The following SNTB2 variants were observed in gnomAD, a reference collection of about 807,000 sequenced individuals.
SNTB2 encodes the protein beta-2-syntrophin.
In SNTB2, 34 loss-of-function variants were observed where a neutral mutation model predicts 46.2. The observed-to-expected ratio is 0.74, with a 90% confidence interval of 0.56 to 0.98. SNTB2 has a LOEUF of 0.98. SNTB2 is among the 50% of genes least tolerant of loss of function. The pLI, the probability that SNTB2 is intolerant of heterozygous loss-of-function variation, is 0.00. For missense variants in SNTB2, 603 were observed against 731.4 expected (o/e 0.82, Z 2.02); for synonymous variants, 290 against 312.6 (o/e 0.93, Z 0.76).
At chr16:69,280,402 T>C (rs374908813) in intron 4 of SNTB2, among the ~76,000 whole-genome samples, 2 of 151,508 alleles carry the variant, frequency 1.3e-5, no homozygotes, top group Non-Finnish European at 3.0e-5. Flanking sequence ...GGGTGGTTGC[T>C]GGGCAGAGGG....
At chr16:69,237,590 T>C (rs1964569896) in intron 1 of SNTB2, among the ~76,000 whole-genome samples, 1 of 130,470 alleles carries the variant, frequency 7.7e-6, no homozygotes, top group South Asian at 2.2e-4. Context: ...TTTTTTTCTT[T>C]CTTTCTTTCT....
At chr16:69,293,461 T>C (rs1965193661) in intron 5 of SNTB2, among the ~76,000 whole-genome samples, 1 of 152,192 alleles carries the variant, frequency 6.6e-6, no homozygotes, top group Non-Finnish European at 1.5e-5. Flanking sequence ...TTTAGCGATA[T>C]GGAGATAATT....
chr16:69,282,840 T>C (rs1965063178), intron 4 of SNTB2, among the ~76,000 whole-genome samples: 1 of 152,264 alleles, frequency 6.6e-6, no homozygotes, highest in African/African-American at 2.4e-5. Context: ...CATTTCATTT[T>C]ATGGTAACTG....
intron 1 of SNTB2, chr16:69,191,281 G>T (rs563384912): frequency 2.4e-4 from 35 of 146,986 alleles, no homozygotes; most frequent in African/African-American, 8.8e-4. Context: ...AAGTGTGGTG[G>T]CTCATGCCTG....
At chr16:69,249,607 G>A (rs185915318) in intron 2 of SNTB2, among the ~76,000 whole-genome samples, 2 of 152,278 alleles carry the variant, frequency 1.3e-5, no homozygotes, top group African/African-American at 2.4e-5. Flanking sequence ...ATGGTCAGAT[G>A]TGAAATAGAT....
At chr16:69,290,872 G>T (rs1471724054) in intron 5 of SNTB2, among the ~76,000 whole-genome samples, 2 of 152,164 alleles carry the variant, frequency 1.3e-5, no homozygotes, top group African/African-American at 4.8e-5. Context: ...TCCAGAACTA[G>T]AGCCTTAAGC....
chr16:69,259,761 C>T (rs1964817081), intron 2 of SNTB2, among the ~76,000 whole-genome samples: 2 of 151,718 alleles, frequency 1.3e-5, no homozygotes. Flanking sequence ...AGGCACCCAC[C>T]ACCATGTCCG....
intron 1 of SNTB2, among the ~76,000 whole-genome samples, chr16:69,205,277 G>A (rs1485757900): frequency 6.7e-6 from 1 of 148,718 alleles, no homozygotes; most frequent in Admixed American, 6.7e-5. Flanking sequence ...AGCCTTCCAA[G>A]TAGCTAGGAC....
At chr16:69,242,817 C>G (rs929792647) in intron 1 of SNTB2, among the ~76,000 whole-genome samples, 17 of 152,122 alleles carry the variant, frequency 1.1e-4, no homozygotes, top group African/African-American at 4.1e-4. Context: ...GTCTGGAGAT[C>G]GAGACCATCC....
chr16:69,242,943 C>A (rs2152296590), intron 1 of SNTB2, among the ~76,000 whole-genome samples: 1 of 150,974 alleles, frequency 6.6e-6, no homozygotes, highest in South Asian at 2.1e-4. Flanking sequence ...ATGGCGTGAA[C>A]CCAGGAGGCA....
intron 5 of SNTB2, among the ~76,000 whole-genome samples, chr16:69,295,159 C>G (rs1448579251): frequency 6.8e-6 from 1 of 148,086 alleles, no homozygotes; most frequent in Non-Finnish European, 1.5e-5. Flanking sequence ...TCAGTACTTA[C>G]TATTGTGCTG....
chr16:69,299,633 T>C lies in SNTB2; in HGVS notation c.1389T>C (p.Tyr463=). ...AAGAGGTGAGGCTTACTATTCACTATGAAAATGGGTTCACCATCTCAAGGG... is the reference window on the plus strand; with the variant it reads ...AAGAGGTGAGGCTTACTATTCACTACGAAAATGGGTTCACCATCTCAAGGG... ...NGQEVRLTIH[Y]ENGFTISREN... Residue 463 remains tyrosine, a synonymous_variant, in exon 6 of 7, where the codon TAT becomes TAC. Transcript: ENST00000336278. The C allele has an allele frequency of 2.5e-6, 4 of 1,614,202 alleles. No individual in the cohort carries two copies. The highest frequency in any genetic ancestry group is 1.1e-5 in the South Asian group (1 of 91,088).
At chr16:69,281,362 G>A (rs1017633280) in intron 4 of SNTB2, among the ~76,000 whole-genome samples, 2 of 151,902 alleles carry the variant, frequency 1.3e-5, no homozygotes, top group Non-Finnish European at 2.9e-5. Context: ...CTCCTGAGTA[G>A]CTGGGATTAC....
intron 2 of SNTB2, among the ~76,000 whole-genome samples, chr16:69,255,877 C>CAA (rs778719826): frequency 6.7e-5 from 7 of 104,550 alleles, no homozygotes; most frequent in African/African-American, 1.1e-4. Context: ...AACTCTGTCT[C>CAA]AAAAAAAAAA....
Position 69,260,038 on chromosome 16 carries a change from T to G in SNTB2, c.795-12T>G. ...TCCTAGCTCACTTTTTTTTTTTTCT[T>G]TTTCCACACAGATTGATAGAGCTAC... On this transcript the variant is annotated splice_polypyrimidine_tract_variant and intron_variant, in intron 2 of 6. Transcript: ENST00000336278. 6.2e-7 allele frequency: 1 copy of G among 1,611,706 alleles called. No homozygotes were observed. Among genetic ancestry groups the G allele is most frequent in the Non-Finnish European group, 8.5e-7 (1 of 1,178,010 alleles).
intron 5 of SNTB2, among the ~76,000 whole-genome samples, chr16:69,288,218 G>T (rs1965124528): frequency 6.6e-6 from 1 of 152,040 alleles, no homozygotes; most frequent in African/African-American, 2.4e-5. Flanking sequence ...AAAATCAAGA[G>T]TGCAACTTGG....
chr16:69,238,674 A>G (rs1249754491), intron 1 of SNTB2, among the ~76,000 whole-genome samples: 1 of 152,082 alleles, frequency 6.6e-6, no homozygotes, highest in Non-Finnish European at 1.5e-5. Context: ...GGGGAACGCT[A>G]TCCTTCTAGC....
intron 1 of SNTB2, chr16:69,230,276 A>G (rs1964494887): frequency 6.6e-6 from 1 of 152,128 alleles, no homozygotes; most frequent in Non-Finnish European, 1.5e-5. Flanking sequence ...TGATCTATAT[A>G]TACTTTTTTT....
At chr16:69,263,884 G>GTTTT (rs1964860068) in intron 3 of SNTB2, among the ~76,000 whole-genome samples, 1 of 148,106 alleles carries the variant, frequency 6.8e-6, no homozygotes, top group Non-Finnish European at 1.5e-5. Context: ...TTTTTTTGAG[G>GTTTT]CAGAGTCTCA....
Sources: allele counts gnomAD v4.1 joint callset (sites outside exome capture counted in the v4.1 genomes callset), GRCh38; gene constraint gnomAD v4.1.1; transcripts MANE v1.5; gene names NCBI Gene and HGNC (gene_info 2026-07-23, HGNC 2026-07-21).